The following ANKS1B variants were observed in gnomAD, a reference collection of about 807,000 sequenced individuals.
The protein encoded by ANKS1B is ankyrin repeat and sterile alpha motif domain containing 1B.
A neutral mutation model predicts 148.3 loss-of-function variants in ANKS1B; 36 were observed. That is an observed-to-expected ratio of 0.24 (90% CI 0.19 to 0.32). The LOEUF (loss-of-function observed/expected upper bound fraction) is 0.32. ANKS1B is among the 10% of genes least tolerant of loss of function. ANKS1B has a pLI of 1.00. For synonymous variants in ANKS1B, 542 were observed against 560.8 expected, an observed-to-expected ratio of 0.97 and a Z score of 0.47; for missense variants, 1,157 against 1,542.6, an observed-to-expected ratio of 0.75 and a Z score of 4.19.
chr12:99,646,056 A>G (rs1219602896), intron 9 of ANKS1B, among the ~76,000 whole-genome samples: 4 of 150,772 alleles, frequency 2.7e-5, no homozygotes, highest in Non-Finnish European at 5.9e-5. Context: ...ACTTAAATTA[A>G]ATTTTGCTGT....
At chr12:98,934,012 T>C (rs2099816180) in intron 17 of ANKS1B, among the ~76,000 whole-genome samples, 1 of 152,140 alleles carries the variant, frequency 6.6e-6, no homozygotes, top group Non-Finnish European at 1.5e-5. Context: ...TTTATTTTGA[T>C]GTAGTCCTAC....
At chr12:99,863,497 C>G (rs1389949176) in intron 1 of ANKS1B, among the ~76,000 whole-genome samples, 1 of 152,042 alleles carries the variant, frequency 6.6e-6, no homozygotes, top group South Asian at 2.1e-4. Context: ...AGGTGGATCA[C>G]GAAGTCAGGA....
intron 8 of ANKS1B, among the ~76,000 whole-genome samples, chr12:99,655,598 G>A (rs1432889255): frequency 6.6e-6 from 1 of 152,076 alleles, no homozygotes; most frequent in Non-Finnish European, 1.5e-5. Flanking sequence ...ATTGAAATGG[G>A]AACTCCTGAT....
At chr12:99,345,451 G>C (rs1010644415) in intron 12 of ANKS1B, among the ~76,000 whole-genome samples, 1 of 151,970 alleles carries the variant, frequency 6.6e-6, no homozygotes, top group African/African-American at 2.4e-5. Context: ...AGTTTATGAG[G>C]TAGTGGTTTC....
chr12:99,984,010 A>T, intron 1 of ANKS1B, 94 bp downstream of exon 1: 1 of 1,124,282 alleles, frequency 8.9e-7, no homozygotes, highest in South Asian at 1.8e-5. Flanking sequence ...AATCGCTGGC[A>T]GCCACCAGGT....
intron 12 of ANKS1B, among the ~76,000 whole-genome samples, chr12:99,298,464 T>C (rs146266285): frequency 6.6e-6 from 1 of 152,158 alleles, no homozygotes; most frequent in South Asian, 2.1e-4. Context: ...TCTGCCATGA[T>C]TGTGAGGCCT....
At chr12:99,392,666 A>G (rs1388997234) in intron 12 of ANKS1B, among the ~76,000 whole-genome samples, 1 of 152,236 alleles carries the variant, frequency 6.6e-6, no homozygotes, top group East Asian at 1.9e-4. Context: ...AACACCTGTT[A>G]TCACTGGCGA....
At chr12:99,966,371 T>C (rs577239642) in intron 1 of ANKS1B, among the ~76,000 whole-genome samples, 2 of 152,306 alleles carry the variant, frequency 1.3e-5, no homozygotes, top group East Asian at 1.9e-4. Flanking sequence ...AGATTTTCCA[T>C]AATATGTGAT....
intron 17 of ANKS1B, among the ~76,000 whole-genome samples, chr12:99,040,420 A>G (rs928938572): frequency 6.6e-6 from 1 of 152,178 alleles, no homozygotes; most frequent in Non-Finnish European, 1.5e-5. Context: ...TAAGTCAGCC[A>G]TCCTGACAGA....
At chr12:99,110,872 T>G (rs189954486) in intron 15 of ANKS1B, among the ~76,000 whole-genome samples, 1 of 152,226 alleles carries the variant, frequency 6.6e-6, no homozygotes, top group Admixed American at 6.5e-5. Flanking sequence ...CTGTATTGAT[T>G]GCCCCATTAT....
At chr12:98,763,058 G>A (rs538976420) in intron 25 of ANKS1B, among the ~76,000 whole-genome samples, 18 of 152,294 alleles carry the variant, frequency 1.2e-4, no homozygotes, top group East Asian at 7.7e-4. Flanking sequence ...CTAGACAAGT[G>A]CAGATAATGC....
chr12:99,082,365 G>A (rs1339341321), intron 16 of ANKS1B, among the ~76,000 whole-genome samples: 1 of 152,152 alleles, frequency 6.6e-6, no homozygotes, highest in Non-Finnish European at 1.5e-5. Context: ...TTCGAATAGA[G>A]ATTTGACAAT....
chr12:99,567,506 A>T (rs1347147943), intron 9 of ANKS1B, among the ~76,000 whole-genome samples: 1 of 152,176 alleles, frequency 6.6e-6, no homozygotes, highest in Non-Finnish European at 1.5e-5. Context: ...TTTCTAAAAT[A>T]CATCCATATG....
chr12:99,244,214 G>A (rs953312680), intron 14 of ANKS1B, 128 bp downstream of exon 14: 10 of 637,286 alleles, frequency 1.6e-5, no homozygotes, highest in African/African-American at 5.7e-5. Flanking sequence ...TTAGATCTGA[G>A]AGTGGAAGGA....
At chr12:98,973,058 T>C (rs1327315794) in intron 17 of ANKS1B, among the ~76,000 whole-genome samples, 1 of 152,204 alleles carries the variant, frequency 6.6e-6, no homozygotes, top group Non-Finnish European at 1.5e-5. Flanking sequence ...CTGTATAAAA[T>C]ACCCAAGACC....
intron 14 of ANKS1B, among the ~76,000 whole-genome samples, chr12:99,176,749 A>G (rs886604309): frequency 1.3e-5 from 2 of 151,870 alleles, no homozygotes. Flanking sequence ...CCTCCTCCTA[A>G]TTATCTCTCT....
chr12:99,281,811 A>G (rs543984172), intron 12 of ANKS1B, among the ~76,000 whole-genome samples: 1 of 152,352 alleles, frequency 6.6e-6, no homozygotes, highest in East Asian at 1.9e-4. Context: ...CTATTAATTA[A>G]TTCATCAATT....
At chr12:99,327,408 A>G (rs181583913) in intron 12 of ANKS1B, among the ~76,000 whole-genome samples, 2,987 of 124,314 alleles carry the variant, frequency 0.024, 133 homozygotes, top group African/African-American at 0.082. Context: ...CATATTATAT[A>G]TAATTATATA....
intron 12 of ANKS1B, among the ~76,000 whole-genome samples, chr12:99,369,542 G>A (rs1176528222): frequency 6.6e-6 from 1 of 152,068 alleles, no homozygotes; most frequent in Non-Finnish European, 1.5e-5. Context: ...ATAGACAGAT[G>A]CTAGATGAAA....
Sources: gnomAD v4.1 joint callset for allele counts (sites outside exome capture counted in the v4.1 genomes callset) on GRCh38, gnomAD v4.1.1 for gene constraint, MANE v1.5 for transcripts, NCBI Gene and HGNC (gene_info 2026-07-23, HGNC 2026-07-21) for gene names.